CNTN5: variants seen among roughly 807,000 people sequenced by gnomAD.
The protein encoded by CNTN5 is contactin 5.
CNTN5 carries 77 observed loss-of-function variants against 129.1 expected under a neutral mutation model. The observed-to-expected ratio is 0.60, with a 90% CI of 0.50 to 0.72. The LOEUF is 0.72. Among genes scored for constraint, CNTN5 ranks in the 30% least tolerant of loss-of-function variants. The pLI is 0.00. For missense variants in CNTN5, 1,478 were observed against 1,328.8 expected, an observed-to-expected ratio of 1.11 and a Z score of -1.75; for synonymous variants, 509 against 465.6, an observed-to-expected ratio of 1.09 and a Z score of -1.20.
At chr11:100,301,467 C>A (rs1316014977) in intron 20 of CNTN5, among the ~76,000 whole-genome samples, 2 of 151,446 alleles carry the variant, frequency 1.3e-5, no homozygotes, top group Non-Finnish European at 3.0e-5. Flanking sequence ...GAGGTTATTC[C>A]TGTAACATAT....
chr11:99,130,634 C>G (rs1858886027), intron 1 of CNTN5, among the ~76,000 whole-genome samples: 1 of 152,132 alleles, frequency 6.6e-6, no homozygotes, highest in South Asian at 2.1e-4. Flanking sequence ...ACAGAACTCT[C>G]CACCCCAAAA....
chr11:99,267,920 G>GCACACACACA (rs141288502), intron 1 of CNTN5, among the ~76,000 whole-genome samples: 51 of 140,540 alleles, frequency 3.6e-4, no homozygotes, highest in Middle Eastern at 3.7e-3. Context: ...ACACACACAC[G>GCACACACACA]CACACACACA....
chr11:99,336,651 T>C (rs780704506), intron 2 of CNTN5, among the ~76,000 whole-genome samples: 1 of 151,842 alleles, frequency 6.6e-6, no homozygotes, highest in Non-Finnish European at 1.5e-5. Flanking sequence ...ACCAGCCTGG[T>C]CATCATGGTG....
intron 13 of CNTN5, among the ~76,000 whole-genome samples, chr11:100,161,848 C>T (rs1947460139): frequency 6.7e-6 from 1 of 148,876 alleles, no homozygotes; most frequent in African/African-American, 2.5e-5. Context: ...CACACACACA[C>T]ACACACACAC....
At position 99,130,391 on chromosome 11, in the gene CNTN5, G is replaced by A. The variant is rs115191565; in HGVS notation, c.-210+109121G>A. Among the ~76,000 whole-genome samples, 455 of 152,262 alleles carry A rather than the reference G, an allele frequency of 3.0e-3. 2 individuals are homozygous for A. The highest frequency in any genetic ancestry group is 0.01 in the African/African-American group (430 of 41,572). On this transcript the variant is annotated intron_variant, in intron 1 of 24. Coordinates refer to ENST00000524871, the MANE Select transcript of CNTN5 (RefSeq NM_014361.4). ...GAAAGACATTACATAATGGCGTAAG[G>A]TTTAATTCAACAAGAAAAGCTAACT...
chr11:100,263,128 A>G lies in CNTN5; in HGVS notation c.2164+7210A>G, dbSNP rs147409561. ...GGATATGTAAAATCACACTTACTGG[A>G]TAGTTACTAGACACTTATTTAACAT... On this transcript the variant is annotated intron_variant, in intron 17 of 24. Coordinates refer to ENST00000524871, the MANE Select transcript of CNTN5 (RefSeq NM_014361.4). 1.1e-4 allele frequency among the ~76,000 whole-genome samples: 16 copies of G among 152,238 alleles called. No individual in the cohort carries two copies. In the East Asian group the frequency reaches 2.7e-3, roughly 26 times the overall value.
chr11:100,083,180 G>C (rs1259980192), intron 13 of CNTN5, among the ~76,000 whole-genome samples: 4 of 151,996 alleles, frequency 2.6e-5, no homozygotes, highest in African/African-American at 9.7e-5. Flanking sequence ...AGCTGGGCGT[G>C]GTGGTGCATT....
rs552115414 is a variant in CNTN5, at chr11:99,269,190, G to A, written c.-209-56156G>A. Among the ~76,000 whole-genome samples, 6 of 151,912 alleles carry A rather than the reference G, an allele frequency of 3.9e-5. No homozygotes were observed. In the South Asian group the frequency reaches 1.0e-3, roughly 26 times the overall value. ...TTATTTCCATCTCTGCTAGAGACTC[G>A]TTAAGTGCCCTTTGTTAAATCCTTT... On this transcript the variant is annotated intron_variant, in intron 1 of 24. Transcript: ENST00000524871.
At chr11:99,250,249 C>T (rs749653600) in intron 1 of CNTN5, among the ~76,000 whole-genome samples, 29 of 152,004 alleles carry the variant, frequency 1.9e-4, no homozygotes, top group Non-Finnish European at 3.5e-4. Flanking sequence ...GCCTGCATGA[C>T]AAGCCTATTG....
intron 3 of CNTN5, among the ~76,000 whole-genome samples, chr11:99,661,693 A>G (rs779021533): frequency 1.3e-5 from 2 of 152,114 alleles, no homozygotes; most frequent in Non-Finnish European, 2.9e-5. Flanking sequence ...ACACATATAT[A>G]CATATACACA....
chr11:99,997,063 G>A (rs1291176759), intron 8 of CNTN5, among the ~76,000 whole-genome samples: 1 of 152,096 alleles, frequency 6.6e-6, no homozygotes, highest in Non-Finnish European at 1.5e-5. Flanking sequence ...ACTCATTTTA[G>A]CATTAATCCA....
intron 16 of CNTN5, among the ~76,000 whole-genome samples, chr11:100,252,968 C>T (rs1334480964): frequency 6.6e-6 from 1 of 152,048 alleles, no homozygotes; most frequent in South Asian, 2.1e-4. Flanking sequence ...AGTCACAGGC[C>T]AGCTCAGATT....
chr11:100,243,588 C>G (rs1036155697), intron 16 of CNTN5, among the ~76,000 whole-genome samples: 5 of 152,172 alleles, frequency 3.3e-5, no homozygotes, highest in African/African-American at 1.2e-4. Flanking sequence ...AAATTCCTAC[C>G]TGAAACTGCT....
chr11:100,185,182 A>G lies in CNTN5; in HGVS notation c.1581-5944A>G, dbSNP rs534911472. Among the ~76,000 whole-genome samples the G allele has an allele frequency of 2.0e-5, 3 of 152,290 alleles. No individual in the cohort carries two copies. In the South Asian group the frequency reaches 6.2e-4, roughly 32 times the overall value. Reference sequence around the variant, plus strand: ...TACCAGTGTGAAAATTGTCTCATACATAAGTCATGGGCTCAATCAAGTCAT... The same window carrying G: ...TACCAGTGTGAAAATTGTCTCATACGTAAGTCATGGGCTCAATCAAGTCAT... On this transcript the variant is annotated intron_variant, in intron 13 of 24. Transcript: ENST00000524871.
chr11:99,721,448 G>A (rs1157637892), intron 3 of CNTN5, among the ~76,000 whole-genome samples: 2 of 152,188 alleles, frequency 1.3e-5, no homozygotes, highest in African/African-American at 2.4e-5. Context: ...GATGGAAGCT[G>A]GACCCCTTCC....
At chr11:99,439,803 A>G (rs779819538) in intron 2 of CNTN5, among the ~76,000 whole-genome samples, 1 of 152,082 alleles carries the variant, frequency 6.6e-6, no homozygotes, top group Non-Finnish European at 1.5e-5. Flanking sequence ...GATAAGATAC[A>G]TGCATCTTGC....
intron 3 of CNTN5, among the ~76,000 whole-genome samples, chr11:99,591,732 C>G (rs1949987554): frequency 6.6e-6 from 1 of 151,950 alleles, no homozygotes; most frequent in Non-Finnish European, 1.5e-5. Context: ...TAAAGAGAGG[C>G]TGGGGGAACT....
At position 99,091,377 on chromosome 11, in the gene CNTN5, G is replaced by A. The variant is rs551042419; in HGVS notation, c.-210+70107G>A. 3.0e-4 allele frequency among the ~76,000 whole-genome samples: 45 copies of A among 152,272 alleles called. 1 individual carries two copies. In the South Asian group the frequency reaches 9.3e-3, roughly 32 times the overall value. On this transcript the variant is annotated intron_variant, in intron 1 of 24. Transcript: ENST00000524871. ...AATGTGAAATAGTTTGGTGGTCTCTGGTGCTAGTTTTGCTTTGGAACCAAA... is the reference window on the plus strand; with the variant it reads ...AATGTGAAATAGTTTGGTGGTCTCTAGTGCTAGTTTTGCTTTGGAACCAAA...
Position 99,890,584 on chromosome 11 carries a change from C to A in CNTN5, c.578-25470C>A, listed in dbSNP as rs1212938133. ...ATAGACATGTGTGTGTGTATATATA[C>A]ATATATGATTGAAAGAATTACTAAA... On this transcript the variant is annotated intron_variant, in intron 6 of 24. Coordinates refer to ENST00000524871, the MANE Select transcript of CNTN5 (RefSeq NM_014361.4). Among the ~76,000 whole-genome samples the A allele has an allele frequency of 3.3e-5, 5 of 151,762 alleles. No homozygotes were observed. In the South Asian group the frequency reaches 1.0e-3, roughly 32 times the overall value.
Sources: gnomAD v4.1 joint callset for allele counts (sites outside exome capture counted in the v4.1 genomes callset) on GRCh38, gnomAD v4.1.1 for gene constraint, MANE v1.5 for transcripts, NCBI Gene and HGNC (gene_info 2026-07-23, HGNC 2026-07-21) for gene names.